AOC1: variants seen among roughly 807,000 people sequenced by gnomAD.
AOC1 encodes the protein diamine oxidase [copper-containing].
A neutral mutation model predicts 57.1 loss-of-function variants in AOC1; 58 were observed. The ratio of observed to expected loss-of-function variants is 1.02; its 90% CI spans 0.82 to 1.26. The LOEUF (loss-of-function observed/expected upper bound fraction) is 1.26. AOC1 is among the 50% of genes most tolerant of loss of function. AOC1 has a pLI of 0.00. For synonymous variants in AOC1, 401 were observed against 423.4 expected (o/e 0.95, Z 0.65); for missense variants, 917 against 1,005.3 (o/e 0.91, Z 1.19).
At position 150,856,703 on chromosome 7, in the gene AOC1, AG is replaced by A; in HGVS notation, c.234del (p.Lys79SerfsTer5). 6.2e-7 allele frequency: 1 copy of A among 1,614,166 alleles called. No homozygotes were observed. The highest frequency in any genetic ancestry group is 1.1e-5 in the South Asian group (1 of 91,084). On this transcript the variant is annotated frameshift_variant, in exon 2 of 5. Transcript: ENST00000360937. LOFTEE classifies it high-confidence loss of function. The surrounding 1 kb of genome is among the most constrained non-coding windows in gnomAD (Gnocchi z 5.2). ...TVFLIEMLLP[K>X]KYHVLRFLDK... ...TTTCTCATCGAGATGCTGCTGCCCA[AG>A]AAGTACCATGTGCTGAGGTTTCTGG...
chr7:150,853,777 C>T (rs1799695505), intron 1 of AOC1: 1 of 151,274 alleles, frequency 6.6e-6, no homozygotes, highest in Admixed American at 6.6e-5. Flanking sequence ...AATCCCAGCA[C>T]TTTGGGAGGC....
In AOC1 at chr7:150,857,344, C is replaced by A; in HGVS notation, c.874C>A (p.Pro292Thr). ...FSSHKPRGDF[P>T]SPIHVSGPRL... is the part of the protein sequence containing the mutation. ...CTCCCACAAGCCCCGCGGGGACTTC[C>A]CCAGCCCCATCCATGTGAGCGGCCC... The change falls in exon 2 of 5, where the codon CCC becomes ACC. Residue 292 changes from proline to threonine, a missense_variant. Pro to Thr is a conservative substitution (Grantham distance 38). Transcript: ENST00000360937. This position sits in a 1 kb window ranked among gnomAD's most constrained non-coding sequence, Gnocchi z 6.6. 1 of 1,605,106 alleles carries A rather than the reference C, an allele frequency of 6.2e-7. No homozygotes were observed. The highest frequency in any genetic ancestry group is 8.5e-7 in the Non-Finnish European group (1 of 1,174,486).
intron 4 of AOC1, 107 bp downstream of exon 4, chr7:150,860,740 A>C: frequency 6.9e-7 from 1 of 1,444,926 alleles, no homozygotes; most frequent in South Asian, 1.3e-5. Flanking sequence ...CTTTGCCCAG[A>C]TCTGTCCCCA....
In AOC1 at chr7:150,858,640, A is replaced by G. The variant is rs1799867389; in HGVS notation, c.1571-123A>G. The G allele has an allele frequency of 2.7e-6, 3 of 1,096,302 alleles. No homozygotes were observed. The Admixed American group carries it at 8.3e-5, about 30-fold the overall frequency. The allele number at this position is 1,096,302 out of a possible 1,614,324, so 67.9% of individuals were successfully genotyped here. On this transcript the variant is annotated intron_variant, in intron 2 of 4. Coordinates refer to ENST00000360937, the MANE Select transcript of AOC1 (RefSeq NM_001091.4). Reference sequence around the variant, plus strand: ...ACAGCCGCCCAGGGCATCCCCCAACATCCCGGTTATTCAAGACAGTTGGCT... The same window carrying G: ...ACAGCCGCCCAGGGCATCCCCCAACGTCCCGGTTATTCAAGACAGTTGGCT...
chr7:150,856,420 A>G lies in AOC1; in HGVS notation c.-16-35A>G. ...TGAGGGAAGCCCATCTCTGCCCATA[A>G]GACAACTAAGTTCATCTCCTCTATT... On this transcript the variant is annotated intron_variant, in intron 1 of 4. Coordinates refer to ENST00000360937, the MANE Select transcript of AOC1 (RefSeq NM_001091.4). This position sits in a 1 kb window ranked among gnomAD's most constrained non-coding sequence, Gnocchi z 5.2. 1 of 1,554,438 alleles carries G rather than the reference A, an allele frequency of 6.4e-7. No homozygotes were observed.
chr7:150,860,901 G>A (rs770980666), intron 4 of AOC1, 42 bp from the exon 5 acceptor site: 3 of 1,590,156 alleles, frequency 1.9e-6, no homozygotes, highest in South Asian at 2.3e-5. Flanking sequence ...CCAGTGGTCA[G>A]TACTCAGCCC....
chr7:150,852,373 A>G (rs1799649935), upstream of AOC1: 1 of 152,302 alleles, frequency 6.6e-6, no homozygotes, highest in Non-Finnish European at 1.5e-5. This position sits in a 1 kb window ranked among gnomAD's most constrained non-coding sequence, Gnocchi z 4.6. Flanking sequence ...CAGCTTCCTC[A>G]AACCCACTCT....
rs565010501 is a variant in AOC1 at position 150,857,427 on chromosome 7, C to A, written c.957C>A (p.Tyr319Ter). ...GGCTGGAGGGCAACGCTGTGCTCTACGGCGGCTGGAGCTTTGCCTTCCGGC... is the reference window on the plus strand; with the variant it reads ...GGCTGGAGGGCAACGCTGTGCTCTAAGGCGGCTGGAGCTTTGCCTTCCGGC... ...RFRLEGNAVL[Y>*]GGWSFAFRLR... Residue 319 changes from tyrosine to a stop codon, truncating the protein, a stop_gained, in exon 2 of 5, where the codon TAC (tyrosine) becomes TAA (stop). Coordinates refer to ENST00000360937, the MANE Select transcript of AOC1 (RefSeq NM_001091.4). LOFTEE classifies it high-confidence loss of function. This position sits in a 1 kb window ranked among gnomAD's most constrained non-coding sequence, Gnocchi z 6.6. The A allele has an allele frequency of 1.9e-6, 3 of 1,610,780 alleles. No individual in the cohort carries two copies. The highest frequency in any genetic ancestry group is 4.5e-5 in the East Asian group (2 of 44,862).
chr7:150,857,371 C>G lies in AOC1; in HGVS notation c.901C>G (p.Arg301Gly), dbSNP rs376059379. 4.4e-6 allele frequency: 7 copies of G among 1,608,352 alleles called. No individual in the cohort carries two copies. The East Asian group carries it at 1.3e-4, about 31-fold the overall frequency. Residue 301 changes from arginine (R) to glycine (G), a missense_variant, in exon 2 of 5, where the codon CGC (arginine) becomes GGC (glycine). Physicochemically the swap from Arg to Gly is moderately radical, Grantham distance 125. Coordinates refer to ENST00000360937, the MANE Select transcript of AOC1 (RefSeq NM_001091.4). The surrounding 1 kb of genome is among the most constrained non-coding windows in gnomAD (Gnocchi z 6.6). ...FPSPIHVSGP[R>G]LVQPHGPRFR... ...CAGCCCCATCCATGTGAGCGGCCCC[C>G]GCTTGGTCCAGCCCCACGGCCCTCG...
At position 150,856,791 on chromosome 7, in the gene AOC1, G is replaced by A; in HGVS notation, c.321G>A (p.Glu107=). Reference sequence around the variant, plus strand: ...CCGTCATCTTCTTTGGTGACCAGGAGCATCCCAATGTCACCGAGTTTGCTG... The same window carrying A: ...CCGTCATCTTCTTTGGTGACCAGGAACATCCCAATGTCACCGAGTTTGCTG... ...ARAVIFFGDQ[E]HPNVTEFAVG... is the part of the protein sequence containing the mutation. Residue 107 remains glutamate, a synonymous_variant, in exon 2 of 5, where the codon GAG becomes GAA. Coordinates refer to ENST00000360937, the MANE Select transcript of AOC1 (RefSeq NM_001091.4). The surrounding 1 kb of genome is among the most constrained non-coding windows in gnomAD (Gnocchi z 5.2). 1.9e-6 allele frequency: 3 copies of A among 1,614,150 alleles called. No individual in the cohort carries two copies. Among genetic ancestry groups the A allele is most frequent in the Non-Finnish European group, 2.5e-6 (3 of 1,179,986 alleles).
Position 150,857,158 on chromosome 7 carries a change from CA to C in AOC1, c.689del (p.His230ProfsTer68). 1 of 1,613,870 alleles carries C rather than the reference CA, an allele frequency of 6.2e-7. No individual in the cohort carries two copies. Among genetic ancestry groups the C allele is most frequent in the Non-Finnish European group, 8.5e-7 (1 of 1,179,938 alleles). On this transcript the variant is annotated frameshift_variant, in exon 2 of 5. Coordinates refer to ENST00000360937, the MANE Select transcript of AOC1 (RefSeq NM_001091.4). LOFTEE classifies it high-confidence loss of function. The surrounding 1 kb of genome is among the most constrained non-coding windows in gnomAD (Gnocchi z 6.6). Reference sequence around the variant, plus strand: ...GGATCATGGGAGCACAGATGCTGGGCACTGGGCCGTGGAGCAGGTGTGGTAC... The same window carrying C: ...GGATCATGGGAGCACAGATGCTGGGCCTGGGCCGTGGAGCAGGTGTGGTAC... Reference protein sequence around the residue: ...LVDHGSTDAGHWAVEQVWYNG... With the variant: ...LVDHGSTDAGXWAVEQVWYNG...
chr7:150,857,917 G>A lies in AOC1; in HGVS notation c.1447G>A (p.Gly483Ser), dbSNP rs894375698. The change falls in exon 2 of 5, where the codon GGC becomes AGC. Residue 483 changes from glycine (G) to serine (S), a missense_variant. By Grantham distance (56) the Gly-to-Ser change is moderately conservative (BLOSUM62 0). Coordinates refer to ENST00000360937, the MANE Select transcript of AOC1 (RefSeq NM_001091.4). The surrounding 1 kb of genome is among the most constrained non-coding windows in gnomAD (Gnocchi z 6.6). ...GATGGAGGCCAAGATGCATGCCACT[G>A]GCTACGTCCACGCCACCTTCTACAC... is the stretch of plus-strand genomic sequence containing the variant. ...GVMEAKMHAT[G>S]YVHATFYTPE... 2 of 1,612,940 alleles carry A rather than the reference G, an allele frequency of 1.2e-6. No homozygotes were observed. Among genetic ancestry groups the A allele is most frequent in the African/African-American group, 1.3e-5 (1 of 74,898 alleles).
chr7:150,853,013 G>C (rs1799665028), intron 1 of AOC1, among the ~76,000 whole-genome samples: 1 of 152,170 alleles, frequency 6.6e-6, no homozygotes, highest in African/African-American at 2.4e-5. Context: ...CCAAGCAAAA[G>C]AAGCCAATCT....
chr7:150,860,782 G>A, intron 4 of AOC1, 149 bp downstream of exon 4: 1 of 1,370,914 alleles, frequency 7.3e-7, no homozygotes, highest in Non-Finnish European at 1.0e-6. Context: ...TGTGTGGACG[G>A]CAAGTTCAGA....
rs1799658738 is a variant in AOC1 at position 150,852,751 on chromosome 7, G to A, written c.-17+193G>A. Among the ~76,000 whole-genome samples, 2 of 152,122 alleles carry A rather than the reference G, an allele frequency of 1.3e-5. No homozygotes were observed. Among genetic ancestry groups the A allele is most frequent in the Non-Finnish European group, 2.9e-5 (2 of 68,024 alleles). The stretch of plus-strand genomic sequence containing the variant: ...TTGGTGGCAGGCAACAGCCGGCCAG[G>A]GTGGAGTGGGGAAAGCTCAGAGAGG... On this transcript the variant is annotated intron_variant, in intron 1 of 4. Transcript: ENST00000360937. The surrounding 1 kb of genome is among the most constrained non-coding windows in gnomAD (Gnocchi z 4.6).
At chr7:150,853,361 T>C (rs538207808) in intron 1 of AOC1, among the ~76,000 whole-genome samples, 15 of 152,202 alleles carry the variant, frequency 9.9e-5, no homozygotes, top group African/African-American at 3.4e-4. Flanking sequence ...GCTGTGAGTA[T>C]ACAGAAACTC....
rs1369405035 is a variant in AOC1 at position 150,852,862 on chromosome 7, A to G, written c.-17+304A>G. ...CCCCACTGCCACTGCACATGGGGAC[A>G]GAGGTTTGTCCTGGGGAAAGCAAAG... On this transcript the variant is annotated intron_variant, in intron 1 of 4. Transcript: ENST00000360937. The surrounding 1 kb of genome is among the most constrained non-coding windows in gnomAD (Gnocchi z 4.6). Among the ~76,000 whole-genome samples, 1 of 152,174 alleles carries G rather than the reference A, an allele frequency of 6.6e-6. No individual in the cohort carries two copies. Among genetic ancestry groups the G allele is most frequent in the Non-Finnish European group, 1.5e-5 (1 of 68,024 alleles).
At chr7:150,858,157 C>T (rs539332532) in intron 2 of AOC1, 117 bp downstream of exon 2, 1 of 1,344,830 alleles carries the variant, frequency 7.4e-7, no homozygotes, top group African/African-American at 1.5e-5. Flanking sequence ...ATTTGCCAAG[C>T]CTGCTTCTGT....
chr7:150,861,370 G>GTGCACACACACACAGACA lies in AOC1; in HGVS notation c.*179_*196dup. Reference sequence around the variant, plus strand: ...CGAACAGACGTGCACACACACAGACGTGCACACACACACAGACATGCACAC... The same window carrying GTGCACACACACACAGACA: ...CGAACAGACGTGCACACACACAGACGTGCACACACACACAGACATGCACACACACACAGACATGCACAC... On this transcript the variant is annotated 3_prime_UTR_variant, in exon 5 of 5. Transcript: ENST00000360937. This position sits in a 1 kb window ranked among gnomAD's most constrained non-coding sequence, Gnocchi z 4.5. 9.4e-6 allele frequency: 7 copies of GTGCACACACACACAGACA among 744,834 alleles called. No homozygotes were observed. Among genetic ancestry groups the GTGCACACACACACAGACA allele is most frequent in the South Asian group, 2.3e-5 (1 of 43,390 alleles). 46.1% of individuals were successfully genotyped at this position (744,834 alleles called of 1,614,324 possible). A position where few individuals can be genotyped will look rare whatever the true frequency, so the allele number is the denominator to read the frequency against.
Sources: allele counts gnomAD v4.1 joint callset (sites outside exome capture counted in the v4.1 genomes callset), GRCh38; gene constraint gnomAD v4.1.1; non-coding constraint Gnocchi (gnomAD v3.1); transcripts MANE v1.5; gene names NCBI Gene and HGNC (gene_info 2026-07-23, HGNC 2026-07-21).